Variants in MTMR2 observed in about 807,000 individuals in gnomAD.
The protein encoded by MTMR2 is myotubularin related protein 2, also known as phosphatidylinositol-3,5-bisphosphate 3-phosphatase MTMR2.
MTMR2 carries 55 observed loss-of-function variants against 86.9 expected under a neutral mutation model. The observed-to-expected ratio is 0.63, with a 90% CI of 0.51 to 0.79. MTMR2 has a LOEUF of 0.79. MTMR2 is among the 30% of genes least tolerant of loss of function. The pLI, the probability that MTMR2 is intolerant of heterozygous loss-of-function variation, is 0.00. For missense variants in MTMR2, 659 were observed against 772.3 expected (o/e 0.85, Z 1.74); for synonymous variants, 241 against 266.8 (o/e 0.90, Z 0.94).
At chr11:95,871,665 T>C (rs940654600) in intron 2 of MTMR2, among the ~76,000 whole-genome samples, 1 of 152,212 alleles carries the variant, frequency 6.6e-6, no homozygotes, top group Non-Finnish European at 1.5e-5. Flanking sequence ...TTGCAAAAAT[T>C]TTCTCCCATT....
intron 7 of MTMR2, among the ~76,000 whole-genome samples, chr11:95,853,940 C>A (rs957823695): frequency 6.6e-6 from 1 of 152,068 alleles, no homozygotes; most frequent in African/African-American, 2.4e-5. Flanking sequence ...CATCCCCCAA[C>A]CCAGAAAGGT....
Position 95,838,427 on chromosome 11 carries a change from C to T in MTMR2, c.1480-220G>A, listed in dbSNP as rs117909641. Reference sequence around the variant, plus strand: ...TTTCTGTATCTGCTATATCTGCTAACCCTAAATTTGCAGGCTGAATTTTGA... The same window carrying T: ...TTTCTGTATCTGCTATATCTGCTAATCCTAAATTTGCAGGCTGAATTTTGA... On this transcript the variant is annotated intron_variant, in intron 12 of 14. Coordinates refer to ENST00000346299, the MANE Select transcript of MTMR2 (RefSeq NM_016156.6). 0.017 allele frequency among the ~76,000 whole-genome samples: 2,566 copies of T among 152,098 alleles called. 38 individuals are homozygous for T. Among genetic ancestry groups the T allele is most frequent in the South Asian group, 0.064 (308 of 4,820 alleles).
intron 1 of MTMR2, among the ~76,000 whole-genome samples, chr11:95,898,716 G>A (rs1865966750): frequency 6.6e-6 from 1 of 152,034 alleles, no homozygotes; most frequent in Admixed American, 6.6e-5. Context: ...AATAATATTG[G>A]GGAGAGAGAC....
intron 2 of MTMR2, among the ~76,000 whole-genome samples, chr11:95,869,905 T>C (rs934778280): frequency 6.6e-6 from 1 of 152,158 alleles, no homozygotes; most frequent in Non-Finnish European, 1.5e-5. Context: ...AATGAGAGTG[T>C]GGACTGAAAA....
chr11:95,912,759 A>G (rs1171257560), intron 1 of MTMR2, among the ~76,000 whole-genome samples: 1 of 152,028 alleles, frequency 6.6e-6, no homozygotes, highest in Non-Finnish European at 1.5e-5. Context: ...AATTATTTCA[A>G]TTATTTAAAG....
In MTMR2 at chr11:95,904,267, T is replaced by C. The variant is rs74955157; in HGVS notation, c.81-16006A>G. On this transcript the variant is annotated intron_variant, in intron 1 of 14. Coordinates refer to ENST00000346299, the MANE Select transcript of MTMR2 (RefSeq NM_016156.6). ...ATTTTCCCTCTCTACTCAATCTCGCTAATCAGCATAGAAACAAAGTATTAT... is the reference window on the plus strand; with the variant it reads ...ATTTTCCCTCTCTACTCAATCTCGCCAATCAGCATAGAAACAAAGTATTAT... 5.7e-4 allele frequency among the ~76,000 whole-genome samples: 87 copies of C among 152,358 alleles called. 1 individual carries two copies. In the East Asian group the frequency reaches 0.016, roughly 28 times the overall value.
intron 13 of MTMR2, among the ~76,000 whole-genome samples, chr11:95,837,011 G>C (rs1028888514): frequency 7.2e-5 from 11 of 151,786 alleles, no homozygotes; most frequent in African/African-American, 2.4e-4. Context: ...AATTTAAAAA[G>C]TTTTTTTAAA....
At chr11:95,884,301 C>T (rs1865441312) in intron 2 of MTMR2, among the ~76,000 whole-genome samples, 1 of 152,134 alleles carries the variant, frequency 6.6e-6, no homozygotes. Context: ...CTTAGCAAAG[C>T]ATTTCTCAAA....
intron 3 of MTMR2, among the ~76,000 whole-genome samples, chr11:95,863,717 T>C (rs963701399): frequency 2.0e-5 from 3 of 152,252 alleles, no homozygotes; most frequent in Admixed American, 2.0e-4. Flanking sequence ...CTCAGGCCAG[T>C]GCTTTTCTGT....
chr11:95,892,134 T>G (rs1865736162), intron 1 of MTMR2, among the ~76,000 whole-genome samples: 1 of 152,180 alleles, frequency 6.6e-6, no homozygotes, highest in African/African-American at 2.4e-5. Flanking sequence ...TTTTTTTCCA[T>G]TTCTCCCTTG....
chr11:95,894,839 A>G (rs1451195742), intron 1 of MTMR2, among the ~76,000 whole-genome samples: 1 of 152,184 alleles, frequency 6.6e-6, no homozygotes, highest in Non-Finnish European at 1.5e-5. Context: ...GTACATGATT[A>G]CATCACCAAT....
chr11:95,844,932 A>G (rs1863709973), intron 11 of MTMR2, 21 bp downstream of exon 11: 1 of 1,569,514 alleles, frequency 6.4e-7, no homozygotes, highest in Non-Finnish European at 8.8e-7. Flanking sequence ...GATATATCCA[A>G]AGTCAAGGTT....
intron 2 of MTMR2, among the ~76,000 whole-genome samples, chr11:95,884,734 C>G (rs996091243): frequency 6.6e-6 from 1 of 152,104 alleles, no homozygotes; most frequent in African/African-American, 2.4e-5. Flanking sequence ...CCTTTGAAAT[C>G]AGGCCAGATT....
Position 95,873,564 on chromosome 11 carries a change from A to C in MTMR2, c.187-7888T>G, listed in dbSNP as rs947762844. 5.5e-4 allele frequency among the ~76,000 whole-genome samples: 83 copies of C among 151,928 alleles called. 1 individual carries two copies. Among genetic ancestry groups the C allele is most frequent in the African/African-American group, 1.9e-3 (79 of 41,336 alleles). On this transcript the variant is annotated intron_variant, in intron 2 of 14. Transcript: ENST00000346299. ...AAAAAACCAGCTCCTGGATTCACTGATTTTTTGAAGGGTTTTTTGTGTCTC... is the reference window on the plus strand; with the variant it reads ...AAAAAACCAGCTCCTGGATTCACTGCTTTTTTGAAGGGTTTTTTGTGTCTC...
At chr11:95,899,705 C>T (rs955840456) in intron 1 of MTMR2, among the ~76,000 whole-genome samples, 1 of 150,984 alleles carries the variant, frequency 6.6e-6, no homozygotes, top group African/African-American at 2.4e-5. Flanking sequence ...CTGAGGCAAG[C>T]TTGAAAGATG....
intron 1 of MTMR2, among the ~76,000 whole-genome samples, chr11:95,909,447 T>C (rs942932665): frequency 6.6e-6 from 1 of 152,182 alleles, no homozygotes; most frequent in African/African-American, 2.4e-5. Flanking sequence ...TCCCTTTTAA[T>C]GCTGCAAAGG....
intron 6 of MTMR2, among the ~76,000 whole-genome samples, chr11:95,858,083 A>T (rs1864275548): frequency 6.6e-6 from 1 of 152,184 alleles, no homozygotes; most frequent in African/African-American, 2.4e-5. Context: ...GGGATAAATA[A>T]TATCTACCAC....
rs1355387981 is a variant in MTMR2, at chr11:95,840,770, AT to A, written c.1479+846del. 2.0e-5 allele frequency among the ~76,000 whole-genome samples: 3 copies of A among 152,176 alleles called. No homozygotes were observed. The East Asian group carries it at 5.8e-4, about 29-fold the overall frequency. ...AAACAGTATTTTATTGAAGCTAAAA[AT>A]ATGCTCCTAAATAAATATGATCCAA... On this transcript the variant is annotated intron_variant, in intron 12 of 14. Coordinates refer to ENST00000346299, the MANE Select transcript of MTMR2 (RefSeq NM_016156.6).
chr11:95,872,806 G>A (rs1464286849), intron 2 of MTMR2, among the ~76,000 whole-genome samples: 1 of 152,168 alleles, frequency 6.6e-6, no homozygotes, highest in Non-Finnish European at 1.5e-5. Context: ...CTAATGTATT[G>A]AGAGTTTTTA....
Sources: allele counts gnomAD v4.1 joint callset (sites outside exome capture counted in the v4.1 genomes callset), GRCh38; gene constraint gnomAD v4.1.1; transcripts MANE v1.5; gene names NCBI Gene and HGNC (gene_info 2026-07-23, HGNC 2026-07-21).